Variants in ETV6 observed in about 807,000 individuals in gnomAD.
ETV6 encodes ETS variant transcription factor 6.
Under a neutral mutation model 51.1 loss-of-function variants are expected in ETV6, and 16 were observed. The observed-to-expected ratio is 0.31, with a 90% CI of 0.21 to 0.48. The LOEUF is 0.48. Ranked by LOEUF, ETV6 falls within the 20% of genes least tolerant of loss-of-function variation. The probability of loss-of-function intolerance (pLI) is 0.99; values close to 1 mark genes in which losing one functional copy is unlikely to be tolerated. For missense variants in ETV6, 458 were observed against 594.8 expected (o/e 0.77, Z 2.39); for synonymous variants, 240 against 224.1 (o/e 1.07, Z -0.64).
chr12:11,668,580 G>C (rs1219591092), intron 1 of ETV6, among the ~76,000 whole-genome samples: 1 of 152,200 alleles, frequency 6.6e-6, no homozygotes, highest in Non-Finnish European at 1.5e-5. Flanking sequence ...CAGACGCCAA[G>C]GGTCTTTTCT....
intron 2 of ETV6, among the ~76,000 whole-genome samples, chr12:11,767,471 T>G (rs182376707): frequency 1.3e-3 from 201 of 152,314 alleles, no homozygotes; most frequent in African/African-American, 4.3e-3. Flanking sequence ...CTCGACTCTG[T>G]GGGGGAAAAT....
intron 1 of ETV6, among the ~76,000 whole-genome samples, chr12:11,674,615 T>TTG (rs5796457): frequency 0.098 from 13,028 of 132,964 alleles, 682 homozygotes; most frequent in Middle Eastern, 0.12. Flanking sequence ...TAGGGGTTAT[T>TTG]TGTGTGTGTG....
At chr12:11,788,111 T>G (rs1290825405) in intron 2 of ETV6, among the ~76,000 whole-genome samples, 1 of 152,204 alleles carries the variant, frequency 6.6e-6, no homozygotes, top group Non-Finnish European at 1.5e-5. Context: ...ATTAAAAGAT[T>G]AAGCCTAAGA....
At chr12:11,716,184 A>G (rs1450022191) in intron 1 of ETV6, among the ~76,000 whole-genome samples, 1 of 151,928 alleles carries the variant, frequency 6.6e-6, no homozygotes, top group African/African-American at 2.4e-5. Context: ...CATGAAAATT[A>G]GCCGGGCATG....
At chr12:11,849,889 A>T (rs897317782) in intron 3 of ETV6, among the ~76,000 whole-genome samples, 3 of 152,148 alleles carry the variant, frequency 2.0e-5, no homozygotes, top group Non-Finnish European at 2.9e-5. Context: ...ATATGCTCAC[A>T]GTGCACGCAC....
intron 2 of ETV6, among the ~76,000 whole-genome samples, chr12:11,808,447 A>AC (rs557072095): frequency 4.7e-4 from 70 of 149,868 alleles, no homozygotes; most frequent in African/African-American, 1.6e-3. Context: ...CAAAAAACAA[A>AC]AAAAAAAAAC....
At position 11,894,291 on chromosome 12, in the gene ETV6, G is replaced by A. The variant is rs1947356467; in HGVS notation, c.*3245G>A. On this transcript the variant is annotated 3_prime_UTR_variant, in exon 8 of 8. Transcript: ENST00000396373. ...AAAGGAGCCCTGCCGTGTGATGGAT[G>A]TGCATTCTCACTTGGGTCTTGAAGT... 4.3e-6 allele frequency: 1 copy of A among 232,906 alleles called. No individual in the cohort carries two copies. Among genetic ancestry groups the A allele is most frequent in the Non-Finnish European group, 8.5e-6 (1 of 117,878 alleles). The allele number at this position is 232,906 out of a possible 1,614,324, so 14.4% of individuals were successfully genotyped here.
intron 4 of ETV6, 58 bp downstream of exon 4, chr12:11,853,619 A>G: frequency 1.9e-6 from 3 of 1,586,232 alleles, no homozygotes; most frequent in Non-Finnish European, 2.6e-6. Context: ...AGGAAGTTTA[A>G]TTGTTAACTT....
At chr12:11,796,623 C>T (rs1276632987) in intron 2 of ETV6, among the ~76,000 whole-genome samples, 1 of 152,212 alleles carries the variant, frequency 6.6e-6, no homozygotes, top group African/African-American at 2.4e-5. Flanking sequence ...CCACTGAAAC[C>T]AGAGCTTCCG....
intron 1 of ETV6, among the ~76,000 whole-genome samples, chr12:11,688,290 C>T (rs982883533): frequency 2.6e-5 from 4 of 152,144 alleles, no homozygotes; most frequent in African/African-American, 4.8e-5. Flanking sequence ...CTTTAGCCCC[C>T]GTTAAAGGCA....
At chr12:11,656,684 T>TTC (rs3983864) in intron 1 of ETV6, among the ~76,000 whole-genome samples, 4,102 of 152,298 alleles carry the variant, frequency 0.027, 95 homozygotes, top group East Asian at 0.12. Flanking sequence ...CCTTGTGTTT[T>TTC]TCTTGCTTCC....
At chr12:11,694,815 C>T (rs186467570) in intron 1 of ETV6, among the ~76,000 whole-genome samples, 6 of 152,120 alleles carry the variant, frequency 3.9e-5, no homozygotes, top group African/African-American at 1.4e-4. Context: ...CGTTCTTTTC[C>T]CTCCCCGTGG....
At chr12:11,849,558 C>A (rs1250797287) in intron 3 of ETV6, among the ~76,000 whole-genome samples, 3 of 152,230 alleles carry the variant, frequency 2.0e-5, no homozygotes, top group East Asian at 3.8e-4. Flanking sequence ...ATTTACTTAG[C>A]AACCTGCTAT....
chr12:11,725,761 A>G (rs1320973036), intron 1 of ETV6, among the ~76,000 whole-genome samples: 1 of 152,116 alleles, frequency 6.6e-6, no homozygotes, highest in Non-Finnish European at 1.5e-5. Context: ...AGATTGCTAA[A>G]AAGAGCCTGG....
rs117417033 is a variant in ETV6, at chr12:11,683,188, C to T, written c.33+33028C>T. Among the ~76,000 whole-genome samples the T allele has an allele frequency of 3.4e-3, 514 of 152,254 alleles. 1 individual carries two copies. Among genetic ancestry groups the T allele is most frequent in the Non-Finnish European group, 5.4e-3 (368 of 68,008 alleles). On this transcript the variant is annotated intron_variant, in intron 1 of 7. Transcript: ENST00000396373. ...CCTCCCAAATAGTGGGGATTACAGGCGCGCTCCACCATGCCTGGCTGATTT... is the reference window on the plus strand; with the variant it reads ...CCTCCCAAATAGTGGGGATTACAGGTGCGCTCCACCATGCCTGGCTGATTT...
chr12:11,820,810 G>C (rs148596086), intron 2 of ETV6, among the ~76,000 whole-genome samples: 1 of 152,318 alleles, frequency 6.6e-6, no homozygotes, highest in South Asian at 2.1e-4. Context: ...ATTCTGGGCA[G>C]AGTGACATGA....
chr12:11,770,458 A>T (rs1482414373), intron 2 of ETV6, among the ~76,000 whole-genome samples: 4 of 152,072 alleles, frequency 2.6e-5, no homozygotes, highest in Non-Finnish European at 5.9e-5. Flanking sequence ...CCCATCCTGA[A>T]GCCTGGGGGT....
chr12:11,733,438 C>T (rs1213815169), intron 1 of ETV6, among the ~76,000 whole-genome samples: 2 of 149,424 alleles, frequency 1.3e-5, no homozygotes, highest in Non-Finnish European at 3.0e-5. Context: ...AAAAATTAAC[C>T]ACTTCATTCT....
rs1946586051 is a variant in ETV6, at chr12:11,853,434, G to A, written c.336G>A (p.Val112=). The A allele has an allele frequency of 6.2e-7, 1 of 1,613,980 alleles. No homozygotes were observed. Among genetic ancestry groups the A allele is most frequent in the African/African-American group, 1.3e-5 (1 of 74,880 alleles). ...FRYRSPHSGD[V]LYELLQHILK... ...TTTCCTTTTTCTTTCCAGGTGATGT[G>A]CTCTATGAACTCCTTCAGCATATTC... is the stretch of plus-strand genomic sequence containing the variant. The change falls in exon 4 of 8, where the codon GTG becomes GTA. Residue 112 remains valine (V), a synonymous_variant. Coordinates refer to ENST00000396373, the MANE Select transcript of ETV6 (RefSeq NM_001987.5).
Sources: allele counts gnomAD v4.1 joint callset (sites outside exome capture counted in the v4.1 genomes callset), GRCh38; gene constraint gnomAD v4.1.1; transcripts MANE v1.5; gene names NCBI Gene and HGNC (gene_info 2026-07-23, HGNC 2026-07-21).